Variants in IPO11 observed in about 807,000 individuals in gnomAD.
The protein encoded by IPO11 is importin-11.
In IPO11, 66 loss-of-function variants were observed where a neutral mutation model predicts 143.2. The observed-to-expected ratio is 0.46, with a 90% CI of 0.38 to 0.57. IPO11 has a LOEUF of 0.57. IPO11 is among the 20% of genes least tolerant of loss of function. IPO11 has a pLI of 0.00. For synonymous variants in IPO11, 385 were observed against 377.8 expected (o/e 1.02, Z -0.22); for missense variants, 1,026 against 1,141.0 (o/e 0.90, Z 1.45).
At chr5:62,622,744 G>A (rs1341306504) in intron 29 of IPO11, among the ~76,000 whole-genome samples, 2 of 152,192 alleles carry the variant, frequency 1.3e-5, no homozygotes, top group Non-Finnish European at 2.9e-5. Flanking sequence ...AAATAATTAT[G>A]TCAGGAAACC....
rs988421568 is a variant in IPO11, at chr5:62,514,464, C to T, written c.1783-924C>T. On this transcript the variant is annotated intron_variant, in intron 19 of 29. Coordinates refer to ENST00000325324, the MANE Select transcript of IPO11 (RefSeq NM_016338.5). ...AAAACCAGTCAGGCGTGGCGGCGCACGCCTGCAATCGCAGGCACTTGGCAG... is the reference window on the plus strand; with the variant it reads ...AAAACCAGTCAGGCGTGGCGGCGCATGCCTGCAATCGCAGGCACTTGGCAG... Among the ~76,000 whole-genome samples, 143 of 151,884 alleles carry T rather than the reference C, an allele frequency of 9.4e-4. 2 individuals carry two copies. Among genetic ancestry groups the T allele is most frequent in the South Asian group, 8.1e-3 (39 of 4,820 alleles).
At chr5:62,571,983 G>C (rs1744145723) in intron 27 of IPO11, among the ~76,000 whole-genome samples, 1 of 152,166 alleles carries the variant, frequency 6.6e-6, no homozygotes, top group South Asian at 2.1e-4. Flanking sequence ...ACTGCACCCG[G>C]CCTTATTAAA....
At chr5:62,487,998 A>T in intron 13 of IPO11, 137 bp downstream of exon 13, 1 of 701,586 alleles carries the variant, frequency 1.4e-6, no homozygotes, top group Non-Finnish European at 2.2e-6. Context: ...ACAATTTTAA[A>T]ACTTATTATC....
chr5:62,490,320 G>A (rs1329519128), intron 15 of IPO11, 100 bp downstream of exon 15: 3 of 679,722 alleles, frequency 4.4e-6, no homozygotes, highest in Admixed American at 3.5e-5. Flanking sequence ...TTTAAAAAAT[G>A]CAATCGTATA....
chr5:62,471,525 T>C (rs1745772538), intron 7 of IPO11, among the ~76,000 whole-genome samples: 1 of 152,182 alleles, frequency 6.6e-6, no homozygotes, highest in Admixed American at 6.5e-5. Flanking sequence ...TCAGAGATAC[T>C]GCTAAAGTTT....
At chr5:62,499,569 C>CGTT (rs773008330) in intron 16 of IPO11, among the ~76,000 whole-genome samples, 2 of 100,088 alleles carry the variant, frequency 2.0e-5, no homozygotes, top group African/African-American at 7.6e-5. Context: ...CTTACTCTAA[C>CGTT]TTTTTTTTTT....
intron 27 of IPO11, among the ~76,000 whole-genome samples, chr5:62,565,465 A>T (rs1208921994): frequency 2.6e-5 from 4 of 152,134 alleles, no homozygotes; most frequent in African/African-American, 9.7e-5. Context: ...CAGCCTGGGC[A>T]ACAGAGTGAG....
At chr5:62,519,016 G>C (rs1229014654) in intron 20 of IPO11, among the ~76,000 whole-genome samples, 1 of 152,152 alleles carries the variant, frequency 6.6e-6, no homozygotes, top group Admixed American at 6.5e-5. Flanking sequence ...GGGGGTACAT[G>C]GCCAATTCCC....
chr5:62,598,391 G>C (rs13165045), intron 28 of IPO11, among the ~76,000 whole-genome samples: 4 of 36,502 alleles, frequency 1.1e-4, no homozygotes, highest in African/African-American at 4.3e-4. Flanking sequence ...TTGCTTGCTT[G>C]CTTTCTTTCT....
intron 9 of IPO11, among the ~76,000 whole-genome samples, chr5:62,479,625 C>T (rs982684655): frequency 6.6e-6 from 1 of 152,152 alleles, no homozygotes; most frequent in African/African-American, 2.4e-5. Context: ...TTAATGGTCG[C>T]CATTCTAACT....
At chr5:62,443,247 G>A (rs1744564256) in intron 3 of IPO11, 164 bp downstream of exon 3, 1 of 452,998 alleles carries the variant, frequency 2.2e-6, no homozygotes, top group Non-Finnish European at 3.9e-6. Flanking sequence ...TCTGTGCAAG[G>A]ATGATGTGGA....
chr5:62,546,436 T>C (rs1171240508), intron 24 of IPO11, among the ~76,000 whole-genome samples: 1 of 151,920 alleles, frequency 6.6e-6, no homozygotes, highest in Non-Finnish European at 1.5e-5. Context: ...CATCACACAC[T>C]GGGGCCTGTC....
intron 5 of IPO11, among the ~76,000 whole-genome samples, chr5:62,460,848 C>A (rs1394225653): frequency 3.3e-5 from 5 of 152,130 alleles, no homozygotes; most frequent in African/African-American, 1.2e-4. Flanking sequence ...ATTTTTATTT[C>A]TCCTACTTGG....
chr5:62,475,791 A>G (rs746659988), intron 8 of IPO11, among the ~76,000 whole-genome samples: 8 of 152,194 alleles, frequency 5.3e-5, no homozygotes, highest in African/African-American at 1.9e-4. Flanking sequence ...TCACTACCCC[A>G]TGTGAGAGAC....
At chr5:62,583,804 C>T (rs924043106) in intron 27 of IPO11, among the ~76,000 whole-genome samples, 2 of 152,078 alleles carry the variant, frequency 1.3e-5, no homozygotes, top group African/African-American at 2.4e-5. Flanking sequence ...TTGAGCAGCC[C>T]TAAGTTAAAA....
intron 27 of IPO11, chr5:62,581,493 C>G: frequency 1.9e-6 from 1 of 535,728 alleles, no homozygotes; most frequent in Non-Finnish European, 3.3e-6. Flanking sequence ...TTGATATATA[C>G]TGTATTAAGT....
intron 24 of IPO11, among the ~76,000 whole-genome samples, chr5:62,544,101 T>G (rs1743062926): frequency 6.6e-6 from 1 of 152,154 alleles, no homozygotes; most frequent in Non-Finnish European, 1.5e-5. Context: ...TAACTCATTT[T>G]ATGAGGCCAA....
At chr5:62,480,152 A>C (rs1348660966) in intron 9 of IPO11, among the ~76,000 whole-genome samples, 1 of 152,218 alleles carries the variant, frequency 6.6e-6, no homozygotes, top group African/African-American at 2.4e-5. Flanking sequence ...TCAGCTTTCT[A>C]CATATGGCTA....
chr5:62,598,383 G>GCTTTCTTT (rs1491250089), intron 28 of IPO11, among the ~76,000 whole-genome samples: 481 of 27,326 alleles, frequency 0.018, 59 homozygotes, highest in Non-Finnish European at 0.022. Flanking sequence ...TTGTTTGCTT[G>GCTTTCTTT]CTTGCTTGCT....
Sources: gnomAD v4.1 joint callset for allele counts (sites outside exome capture counted in the v4.1 genomes callset) on GRCh38, gnomAD v4.1.1 for gene constraint, MANE v1.5 for transcripts, NCBI Gene and HGNC (gene_info 2026-07-23, HGNC 2026-07-21) for gene names.